SCFD2: variants seen among roughly 807,000 people sequenced by gnomAD.
SCFD2 encodes the protein sec1 family domain-containing protein 2.
Under a neutral mutation model 58.9 loss-of-function variants are expected in SCFD2, and 54 were observed. That is an observed-to-expected ratio of 0.92 (90% CI 0.74 to 1.15). SCFD2 has a LOEUF of 1.15. Among genes scored for constraint, SCFD2 ranks in the 50% most tolerant of loss-of-function variants. The pLI is 0.00. For synonymous variants in SCFD2, 321 were observed against 335.9 expected, an observed-to-expected ratio of 0.96 and a Z score of 0.49; for missense variants, 805 against 836.6, an observed-to-expected ratio of 0.96 and a Z score of 0.47.
chr4:52,956,138 C>G (rs562497196), intron 5 of SCFD2: 31 of 456,668 alleles, frequency 6.8e-5, no homozygotes, highest in Admixed American at 3.3e-4. Flanking sequence ...AGCCAGAGCT[C>G]TAAATCTGGA....
intron 5 of SCFD2, among the ~76,000 whole-genome samples, chr4:53,013,010 T>C (rs755801613): frequency 2.6e-4 from 39 of 152,220 alleles, no homozygotes; most frequent in Non-Finnish European, 3.2e-4. Context: ...CACTGTTACA[T>C]AGAAAAGGAG....
At chr4:53,173,397 A>G (rs1727236131) in intron 4 of SCFD2, among the ~76,000 whole-genome samples, 1 of 152,074 alleles carries the variant, frequency 6.6e-6, no homozygotes, top group Admixed American at 6.5e-5. Context: ...TTGTATAACT[A>G]CCTCTGCTGT....
chr4:53,046,653 A>G (rs942343881), intron 5 of SCFD2, among the ~76,000 whole-genome samples: 2 of 152,024 alleles, frequency 1.3e-5, no homozygotes, highest in Non-Finnish European at 2.9e-5. Flanking sequence ...CACTTCAACA[A>G]AGCTACGTGT....
chr4:53,029,451 A>T (rs1463233678), intron 5 of SCFD2, among the ~76,000 whole-genome samples: 1 of 152,174 alleles, frequency 6.6e-6, no homozygotes, highest in Middle Eastern at 3.2e-3. Context: ...TCTTTAGATC[A>T]TATTGTACAT....
At chr4:53,253,470 C>G (rs1371490034) in intron 4 of SCFD2, among the ~76,000 whole-genome samples, 1 of 151,992 alleles carries the variant, frequency 6.6e-6, no homozygotes, top group Non-Finnish European at 1.5e-5. Context: ...TTCACAATAG[C>G]AAAGACTTGA....
chr4:52,890,726 G>A (rs950132066), intron 7 of SCFD2, among the ~76,000 whole-genome samples: 2 of 152,162 alleles, frequency 1.3e-5, no homozygotes, highest in Admixed American at 1.3e-4. Context: ...TCTGGTGAGA[G>A]AAGACAGTTT....
At chr4:53,099,253 A>G (rs1724758078) in intron 5 of SCFD2, among the ~76,000 whole-genome samples, 1 of 152,192 alleles carries the variant, frequency 6.6e-6, no homozygotes, top group African/African-American at 2.4e-5. Flanking sequence ...TACTTCTACA[A>G]TCTCCTTTTG....
chr4:53,182,688 A>G (rs1727610027), intron 4 of SCFD2, among the ~76,000 whole-genome samples: 2 of 152,360 alleles, frequency 1.3e-5, no homozygotes, highest in African/African-American at 2.4e-5. Context: ...CTGCGCAGCA[A>G]AAGAAACTAC....
At chr4:53,327,884 A>C (rs906603618) in intron 2 of SCFD2, among the ~76,000 whole-genome samples, 2 of 152,166 alleles carry the variant, frequency 1.3e-5, no homozygotes, top group African/African-American at 4.8e-5. Flanking sequence ...CAGTGGCCTC[A>C]CTTTGGGAGG....
chr4:52,963,901 T>C (rs758862861), intron 5 of SCFD2, among the ~76,000 whole-genome samples: 2 of 152,222 alleles, frequency 1.3e-5, no homozygotes, highest in East Asian at 3.9e-4. Flanking sequence ...TGTGTCATTA[T>C]CTGAATAGTT....
chr4:52,947,244 T>G (rs1465381909), intron 5 of SCFD2, among the ~76,000 whole-genome samples: 3 of 152,192 alleles, frequency 2.0e-5, no homozygotes, highest in African/African-American at 7.2e-5. Flanking sequence ...GGAAAGGGCT[T>G]TCCATTCACG....
At chr4:53,332,451 A>C (rs1733513133) in intron 2 of SCFD2, among the ~76,000 whole-genome samples, 1 of 152,114 alleles carries the variant, frequency 6.6e-6, no homozygotes. Context: ...ATATACGCAA[A>C]TCAATAAATG....
chr4:53,299,567 C>A (rs542997847), intron 3 of SCFD2, among the ~76,000 whole-genome samples: 1 of 151,778 alleles, frequency 6.6e-6, no homozygotes, highest in Non-Finnish European at 1.5e-5. Flanking sequence ...GCAAGGCAGG[C>A]CAACATTCAA....
intron 5 of SCFD2, among the ~76,000 whole-genome samples, chr4:52,940,657 G>A (rs1207937678): frequency 6.6e-6 from 1 of 152,176 alleles, no homozygotes; most frequent in Non-Finnish European, 1.5e-5. Flanking sequence ...GATTTCAGAA[G>A]AGTACCCCTG....
rs542241306 is a variant in SCFD2 at position 52,953,262 on chromosome 4, T to C, written c.1562-32392A>G. ...ATTTAACTACAGTAGTTTCCAACTA[T>C]AGAGTAAAGAATGTGTAACTAGGTT... On this transcript the variant is annotated intron_variant, in intron 5 of 8. Coordinates refer to ENST00000401642, the MANE Select transcript of SCFD2 (RefSeq NM_152540.4). Among the ~76,000 whole-genome samples, 5 of 152,282 alleles carry C rather than the reference T, an allele frequency of 3.3e-5. 1 individual carries two copies. Among genetic ancestry groups the C allele is most frequent in the Admixed American group, 2.6e-4 (4 of 15,306 alleles).
intron 5 of SCFD2, among the ~76,000 whole-genome samples, chr4:53,048,492 T>C (rs1192634991): frequency 6.6e-6 from 1 of 152,176 alleles, no homozygotes. Flanking sequence ...TCCCAGCATT[T>C]TGGGAGGCTG....
intron 5 of SCFD2, among the ~76,000 whole-genome samples, chr4:52,935,825 T>C (rs557528931): frequency 1.3e-5 from 2 of 152,182 alleles, no homozygotes; most frequent in South Asian, 2.1e-4. Flanking sequence ...ATCTATCTCA[T>C]CCTTTTCTTT....
chr4:53,300,127 T>C (rs1732220460), intron 3 of SCFD2, among the ~76,000 whole-genome samples: 2 of 152,194 alleles, frequency 1.3e-5, no homozygotes, highest in Admixed American at 6.5e-5. Flanking sequence ...ATGGGCTAAA[T>C]GCTCCAATTA....
At chr4:53,109,928 A>T (rs1220062586) in intron 5 of SCFD2, among the ~76,000 whole-genome samples, 3 of 151,098 alleles carry the variant, frequency 2.0e-5, no homozygotes, top group Non-Finnish European at 3.0e-5. Flanking sequence ...TAAGCCAAAA[A>T]AAATAAATAA....
Sources: gnomAD v4.1 joint callset for allele counts (sites outside exome capture counted in the v4.1 genomes callset) on GRCh38, gnomAD v4.1.1 for gene constraint, MANE v1.5 for transcripts, NCBI Gene and HGNC (gene_info 2026-07-23, HGNC 2026-07-21) for gene names.